Variants in SYT16 observed in about 807,000 individuals in gnomAD.
SYT16 encodes synaptotagmin-16.
Under a neutral mutation model 61.4 loss-of-function variants are expected in SYT16, and 42 were observed. That is an observed-to-expected ratio of 0.68 (90% CI 0.53 to 0.89). The LOEUF (loss-of-function observed/expected upper bound fraction) is 0.89. SYT16 is among the 40% of genes least tolerant of loss of function. SYT16 has a pLI of 0.00. For missense variants in SYT16, 804 were observed against 807.3 expected (o/e 1.00, Z 0.05); for synonymous variants, 314 against 302.3 (o/e 1.04, Z -0.40).
intron 3 of SYT16, among the ~76,000 whole-genome samples, chr14:62,016,297 A>T (rs975472313): frequency 2.6e-5 from 4 of 152,214 alleles, no homozygotes; most frequent in Admixed American, 1.3e-4. Context: ...GAGATGTTAT[A>T]CATACCAGAG....
At position 61,962,342 on chromosome 14, in the gene SYT16, T is replaced by A. The variant is rs150214719; in HGVS notation, c.-324-7790T>A. Among the ~76,000 whole-genome samples, 165 of 152,288 alleles carry A rather than the reference T, an allele frequency of 1.1e-3. 1 individual carries two copies. The highest frequency in any genetic ancestry group is 3.8e-3 in the African/African-American group (156 of 41,572). ...TCTCCCAGTACTTATATCATCCCAT[T>A]GTCTTCTGTCCTGCAAGGTTTCTGC... On this transcript the variant is annotated intron_variant, in intron 1 of 7. Coordinates refer to ENST00000683842, the MANE Select transcript of SYT16 (RefSeq NM_001367656.1).
At chr14:61,858,184 C>T (rs1000062912) in intron 1 of SYT16, among the ~76,000 whole-genome samples, 1 of 135,436 alleles carries the variant, frequency 7.4e-6, no homozygotes, top group African/African-American at 2.7e-5. Flanking sequence ...ATCCTAAAGT[C>T]AAGGTGCAAT....
intron 3 of SYT16, among the ~76,000 whole-genome samples, chr14:62,006,018 TCTCA>T (rs2053207745): frequency 6.6e-6 from 1 of 152,136 alleles, no homozygotes; most frequent in Non-Finnish European, 1.5e-5. Flanking sequence ...CATTTCTCTC[TCTCA>T]CTGATGTGAT....
intron 3 of SYT16, among the ~76,000 whole-genome samples, chr14:62,009,077 A>T (rs1327297251): frequency 6.6e-6 from 1 of 152,134 alleles, no homozygotes; most frequent in African/African-American, 2.4e-5. Flanking sequence ...TTATCTTTAG[A>T]TGGTTCATAT....
chr14:61,960,709 T>C (rs1377311367), intron 1 of SYT16, among the ~76,000 whole-genome samples: 16 of 152,174 alleles, frequency 1.1e-4, no homozygotes, highest in Admixed American at 9.8e-4. Context: ...TCTTGCCTGA[T>C]TGCTCTGGCC....
chr14:61,953,182 A>T (rs181278179), intron 1 of SYT16, among the ~76,000 whole-genome samples: 14 of 152,194 alleles, frequency 9.2e-5, no homozygotes, highest in African/African-American at 2.9e-4. Context: ...ACTAATATAG[A>T]AATGAGTCTA....
intron 1 of SYT16, among the ~76,000 whole-genome samples, chr14:61,877,680 A>C (rs754616005): frequency 6.6e-6 from 1 of 152,132 alleles, no homozygotes; most frequent in Non-Finnish European, 1.5e-5. Flanking sequence ...ATTTCTGTCC[A>C]GAGTTGAGAG....
intron 1 of SYT16, among the ~76,000 whole-genome samples, chr14:61,825,222 G>A (rs2140224205): frequency 6.6e-6 from 1 of 152,272 alleles, no homozygotes; most frequent in South Asian, 2.1e-4. Flanking sequence ...TACTTGCTGT[G>A]TCACTTCAGG....
At chr14:61,983,781 G>A (rs1183007671) in intron 2 of SYT16, among the ~76,000 whole-genome samples, 2 of 152,114 alleles carry the variant, frequency 1.3e-5, no homozygotes, top group African/African-American at 4.8e-5. Flanking sequence ...TCCTACGTTG[G>A]CCACTCAAAG....
intron 1 of SYT16, among the ~76,000 whole-genome samples, chr14:61,953,840 C>T (rs965733321): frequency 5.3e-5 from 8 of 152,126 alleles, no homozygotes; most frequent in African/African-American, 1.9e-4. Flanking sequence ...CGCTGTGGTC[C>T]TTAGGGAAGT....
At chr14:61,995,633 C>G (rs2052735210) in intron 2 of SYT16, among the ~76,000 whole-genome samples, 1 of 152,118 alleles carries the variant, frequency 6.6e-6, no homozygotes, top group South Asian at 2.1e-4. Flanking sequence ...ATAGACTTCT[C>G]TCAGTCCACG....
chr14:62,033,227 A>C (rs928967330), intron 3 of SYT16, among the ~76,000 whole-genome samples: 2 of 124 alleles, frequency 0.016, no homozygotes, highest in Non-Finnish European at 0.04. Flanking sequence ...TCAAAATAAG[A>C]ATGTGTACTT....
chr14:62,066,952 C>T (rs1266593984), intron 3 of SYT16, among the ~76,000 whole-genome samples: 1 of 152,158 alleles, frequency 6.6e-6, no homozygotes, highest in Non-Finnish European at 1.5e-5. Flanking sequence ...GCAGGGAGCT[C>T]TTAACCTGCT....
chr14:61,851,740 A>T (rs1254182864), intron 1 of SYT16, among the ~76,000 whole-genome samples: 1 of 152,164 alleles, frequency 6.6e-6, no homozygotes. Context: ...TCTTTTGCCC[A>T]CTTTTTAATG....
chr14:62,074,727 A>G (rs953078034), intron 4 of SYT16, among the ~76,000 whole-genome samples: 1 of 152,208 alleles, frequency 6.6e-6, no homozygotes, highest in Non-Finnish European at 1.5e-5. Flanking sequence ...GCAGAGGGTA[A>G]TGTGGTAAAC....
chr14:62,098,518 T>G (rs1002515591), intron 7 of SYT16, among the ~76,000 whole-genome samples: 1 of 152,240 alleles, frequency 6.6e-6, no homozygotes, highest in Non-Finnish European at 1.5e-5. Context: ...ATATTGACGC[T>G]AGTCACTGTT....
At chr14:61,993,095 A>C (rs1259495109) in intron 2 of SYT16, among the ~76,000 whole-genome samples, 1 of 152,158 alleles carries the variant, frequency 6.6e-6, no homozygotes, top group African/African-American at 2.4e-5. Context: ...GAGCTGTACT[A>C]ATTTGAAGAT....
chr14:62,091,089 A>C (rs1234533322), intron 7 of SYT16, among the ~76,000 whole-genome samples: 2 of 152,212 alleles, frequency 1.3e-5, no homozygotes, highest in African/African-American at 2.4e-5. Flanking sequence ...ATCATATCAC[A>C]TGGTATGTCA....
chr14:61,913,892 C>T (rs2049024020), intron 1 of SYT16, among the ~76,000 whole-genome samples: 1 of 152,122 alleles, frequency 6.6e-6, no homozygotes, highest in Non-Finnish European at 1.5e-5. Flanking sequence ...TTTCTTTTTG[C>T]AGTGCAAAGG....
Sources: allele counts gnomAD v4.1 joint callset (sites outside exome capture counted in the v4.1 genomes callset), GRCh38; gene constraint gnomAD v4.1.1; transcripts MANE v1.5; gene names NCBI Gene and HGNC (gene_info 2026-07-23, HGNC 2026-07-21).